MYO3B: variants seen among roughly 807,000 people sequenced by gnomAD.
MYO3B encodes myosin-IIIb.
Under a neutral mutation model 174.6 loss-of-function variants are expected in MYO3B, and 156 were observed. The ratio of observed to expected loss-of-function variants is 0.89; its 90% confidence interval spans 0.78 to 1.02. MYO3B has a LOEUF of 1.02. MYO3B is among the 50% of genes least tolerant of loss of function. MYO3B has a pLI of 0.00. For missense variants in MYO3B, 1,632 were observed against 1,639.4 expected (o/e 1.00, Z 0.08); for synonymous variants, 563 against 569.1 (o/e 0.99, Z 0.15).
intron 7 of MYO3B, among the ~76,000 whole-genome samples, chr2:170,320,348 A>G (rs1374909594): frequency 6.6e-6 from 1 of 152,230 alleles, no homozygotes; most frequent in Non-Finnish European, 1.5e-5. Flanking sequence ...GTGTCTGGCC[A>G]GATGCTATTT....
At chr2:170,216,630 A>G (rs1295026474) in intron 5 of MYO3B, among the ~76,000 whole-genome samples, 1 of 152,190 alleles carries the variant, frequency 6.6e-6, no homozygotes, top group African/African-American at 2.4e-5. Flanking sequence ...TTCTTTTTCC[A>G]TTTGACAAAC....
intron 22 of MYO3B, chr2:170,411,607 T>C (rs2094546620): frequency 2.6e-5 from 4 of 152,238 alleles, no homozygotes. Flanking sequence ...TTTAATTTCT[T>C]ATCAAGGTTG....
At chr2:170,367,163 C>T (rs1483410808) in intron 8 of MYO3B, among the ~76,000 whole-genome samples, 5 of 152,184 alleles carry the variant, frequency 3.3e-5, no homozygotes, top group Non-Finnish European at 7.3e-5. Flanking sequence ...TTGAGGGACC[C>T]CTGGTCCTTT....
At chr2:170,241,193 C>A (rs2093128739) in intron 7 of MYO3B, among the ~76,000 whole-genome samples, 1 of 151,584 alleles carries the variant, frequency 6.6e-6, no homozygotes, top group Admixed American at 6.6e-5. Context: ...CTGTTTCTGG[C>A]ATGCTAAGTT....
intron 21 of MYO3B, 101 bp downstream of exon 21, chr2:170,405,734 C>A: frequency 1.1e-6 from 1 of 933,122 alleles, no homozygotes; most frequent in East Asian, 2.6e-5. Context: ...AGATTTCTTT[C>A]CCATTTTAAT....
chr2:170,453,453 CGAGA>C (rs150426528), intron 23 of MYO3B, among the ~76,000 whole-genome samples: 2 of 122,970 alleles, frequency 1.6e-5, no homozygotes, highest in African/African-American at 2.9e-5. Flanking sequence ...CACACACACA[CGAGA>C]GAGAGAGAGA....
At position 170,466,636 on chromosome 2, in the gene MYO3B, C is replaced by T. The variant is rs1167426352; in HGVS notation, c.2939C>T (p.Thr980Ile). The T allele has an allele frequency of 1.2e-6, 2 of 1,614,128 alleles. No homozygotes were observed. Among genetic ancestry groups the T allele is most frequent in the Admixed American group, 1.7e-5 (1 of 60,008 alleles). The change falls in exon 25 of 35, where the codon ACA (threonine) becomes ATA (isoleucine). Residue 980 changes from threonine (T) to isoleucine (I), a missense_variant. Transcript: ENST00000408978. Reference protein sequence around the residue: ...RERVLAQLRSTGILETVSIRR... With the variant: ...RERVLAQLRSIGILETVSIRR... Reference sequence around the variant, plus strand: ...AGGGTGCTGGCCCAGCTCCGCTCCACAGGGATTCTGGAGACAGTCAGCATC... The same window carrying T: ...AGGGTGCTGGCCCAGCTCCGCTCCATAGGGATTCTGGAGACAGTCAGCATC...
At chr2:170,606,509 C>A (rs535701332) in intron 32 of MYO3B, among the ~76,000 whole-genome samples, 1 of 152,192 alleles carries the variant, frequency 6.6e-6, no homozygotes, top group Non-Finnish European at 1.5e-5. Flanking sequence ...ACAATCTATT[C>A]ATTTCCTAGC....
At chr2:170,626,291 C>G (rs1021770664) in intron 32 of MYO3B, among the ~76,000 whole-genome samples, 2 of 152,122 alleles carry the variant, frequency 1.3e-5, no homozygotes, top group Non-Finnish European at 2.9e-5. Flanking sequence ...TTGAATTGAT[C>G]CCTTTACGAT....
intron 32 of MYO3B, among the ~76,000 whole-genome samples, chr2:170,650,725 C>G (rs1266698731): frequency 7.4e-6 from 1 of 134,964 alleles, no homozygotes; most frequent in African/African-American, 2.9e-5. Context: ...GCCCTGTTGC[C>G]CAGGCTGGAG....
intron 6 of MYO3B, among the ~76,000 whole-genome samples, chr2:170,226,279 G>C (rs752898227): frequency 3.9e-5 from 6 of 152,234 alleles, no homozygotes; most frequent in Non-Finnish European, 8.8e-5. Flanking sequence ...TTGGCTGAAA[G>C]ACCTGCCTAC....
At chr2:170,198,336 A>G (rs1461983583) in intron 1 of MYO3B, among the ~76,000 whole-genome samples, 2 of 152,214 alleles carry the variant, frequency 1.3e-5, no homozygotes, top group African/African-American at 4.8e-5. Context: ...TTGGGCAGAC[A>G]TAGCTTCCTG....
At chr2:170,574,226 G>T (rs1291460177) in intron 32 of MYO3B, among the ~76,000 whole-genome samples, 1 of 152,134 alleles carries the variant, frequency 6.6e-6, no homozygotes, top group Non-Finnish European at 1.5e-5. Flanking sequence ...TGATATGCAT[G>T]CACGGTAGGT....
At chr2:170,535,189 A>G (rs527364923) in intron 30 of MYO3B, among the ~76,000 whole-genome samples, 1 of 152,292 alleles carries the variant, frequency 6.6e-6, no homozygotes, top group South Asian at 2.1e-4. Flanking sequence ...TATCCCCAGT[A>G]CTTACAATAG....
At chr2:170,207,210 C>T (rs2105351019) in intron 3 of MYO3B, among the ~76,000 whole-genome samples, 1 of 152,200 alleles carries the variant, frequency 6.6e-6, no homozygotes, top group South Asian at 2.1e-4. Context: ...TCATTCTAAT[C>T]TTGTCCTCTT....
At chr2:170,556,733 G>T (rs1691326857) in intron 32 of MYO3B, among the ~76,000 whole-genome samples, 1 of 152,154 alleles carries the variant, frequency 6.6e-6, no homozygotes. Context: ...TGTTAGCCAG[G>T]CTGGTCTCGA....
chr2:170,260,509 C>T (rs1040583133), intron 7 of MYO3B, among the ~76,000 whole-genome samples: 1 of 152,194 alleles, frequency 6.6e-6, no homozygotes. Flanking sequence ...ACATTGGGTA[C>T]ACACAGACAT....
intron 1 of MYO3B, among the ~76,000 whole-genome samples, chr2:170,182,699 C>G (rs2092416709): frequency 6.6e-6 from 1 of 150,596 alleles, no homozygotes; most frequent in African/African-American, 2.4e-5. Flanking sequence ...GCAACCTACG[C>G]CTCCCAGGTT....
rs1179743995 is a variant in MYO3B, at chr2:170,401,588, G to A, written c.2026G>A (p.Ala676Thr). ...TIIRANTVDR[A>T]ADVRDAMSKA... ...CATCCGTGCCAACACTGTAGACAGGGCTGCGGACGTTCGAGACGCCATGTC... is the reference window on the plus strand; with the variant it reads ...CATCCGTGCCAACACTGTAGACAGGACTGCGGACGTTCGAGACGCCATGTC... The change falls in exon 18 of 35, where the codon GCT becomes ACT. Residue 676 changes from alanine (A) to threonine (T), a missense_variant. Transcript: ENST00000408978. The A allele has an allele frequency of 6.2e-7, 1 of 1,614,020 alleles. No individual in the cohort carries two copies. Among genetic ancestry groups the A allele is most frequent in the Non-Finnish European group, 8.5e-7 (1 of 1,180,036 alleles).
Sources: gnomAD v4.1 joint callset for allele counts (sites outside exome capture counted in the v4.1 genomes callset) on GRCh38, gnomAD v4.1.1 for gene constraint, MANE v1.5 for transcripts, NCBI Gene and HGNC (gene_info 2026-07-23, HGNC 2026-07-21) for gene names.